The following DCC variants were observed in gnomAD, a reference collection of about 807,000 sequenced individuals.
DCC encodes netrin receptor DCC.
A neutral mutation model predicts 172.5 loss-of-function variants in DCC; 58 were observed. The observed-to-expected ratio is 0.34, with a 90% CI of 0.27 to 0.42. DCC has a LOEUF of 0.42. Among genes scored for constraint, DCC ranks in the 10% least tolerant of loss-of-function variants. The pLI is 1.00. For synonymous variants in DCC, 709 were observed against 644.5 expected (o/e 1.10, Z -1.52); for missense variants, 1,740 against 1,791.0 (o/e 0.97, Z 0.51).
intron 28 of DCC, 83 bp downstream of exon 28, chr18:53,526,842 G>GTCCAT: frequency 8.2e-7 from 1 of 1,218,848 alleles, no homozygotes; most frequent in East Asian, 3.2e-5. Context: ...AATGAGTACT[G>GTCCAT]TCCATTCACC....
At chr18:52,807,751 A>T (rs1018161208) in intron 2 of DCC, among the ~76,000 whole-genome samples, 2 of 152,236 alleles carry the variant, frequency 1.3e-5, no homozygotes, top group Non-Finnish European at 2.9e-5. Context: ...TACCAACTCT[A>T]CTGCAAACAG....
chr18:52,653,729 C>T (rs1046466702), intron 1 of DCC, among the ~76,000 whole-genome samples: 5 of 152,078 alleles, frequency 3.3e-5, no homozygotes, highest in African/African-American at 4.8e-5. Flanking sequence ...CTTTCCCCTC[C>T]GCCAGTTGTT....
chr18:53,502,549 T>TG (rs1313539148), intron 27 of DCC, among the ~76,000 whole-genome samples: 1,339 of 152,298 alleles, frequency 8.8e-3, no homozygotes, highest in African/African-American at 0.031. Context: ...TTCAACAAGT[T>TG]TTGATTCTAA....
intron 22 of DCC, among the ~76,000 whole-genome samples, chr18:53,436,539 A>G (rs1162365147): frequency 6.6e-6 from 1 of 152,098 alleles, no homozygotes; most frequent in Admixed American, 6.5e-5. Flanking sequence ...TAATGCAGCA[A>G]TTTTCCCAAG....
intron 2 of DCC, among the ~76,000 whole-genome samples, chr18:52,832,940 A>T (rs1210576731): frequency 6.6e-6 from 1 of 152,166 alleles, no homozygotes. Flanking sequence ...TTTAAAATGT[A>T]CATATTAATG....
At chr18:52,968,565 A>G (rs2040971952) in intron 5 of DCC, among the ~76,000 whole-genome samples, 1 of 152,076 alleles carries the variant, frequency 6.6e-6, no homozygotes, top group South Asian at 2.1e-4. Flanking sequence ...TCTTCATATC[A>G]CAGCACAGAC....
chr18:52,750,248 CCTTT>C (rs1295470672), intron 1 of DCC, among the ~76,000 whole-genome samples: 3 of 152,074 alleles, frequency 2.0e-5, no homozygotes, highest in Non-Finnish European at 4.4e-5. Context: ...GCTTAAAAGA[CCTTT>C]CTGAGTCATG....
intron 5 of DCC, among the ~76,000 whole-genome samples, chr18:53,036,179 T>A (rs1026088792): frequency 6.6e-6 from 1 of 152,036 alleles, no homozygotes; most frequent in Non-Finnish European, 1.5e-5. Context: ...TAAGAAGATA[T>A]TAAAGATTCT....
At chr18:53,291,451 G>A (rs916280904) in intron 12 of DCC, among the ~76,000 whole-genome samples, 6 of 152,032 alleles carry the variant, frequency 3.9e-5, no homozygotes, top group Non-Finnish European at 8.8e-5. Context: ...AATATCTGGT[G>A]AAATAAACTT....
At chr18:52,405,593 A>G (rs886279926) in intron 1 of DCC, among the ~76,000 whole-genome samples, 1 of 151,340 alleles carries the variant, frequency 6.6e-6, no homozygotes, top group Admixed American at 6.6e-5. Context: ...AGAATAAAAT[A>G]CCTAGGAATC....
intron 7 of DCC, among the ~76,000 whole-genome samples, chr18:53,098,197 TAGA>T (rs1196233614): frequency 6.6e-6 from 1 of 151,494 alleles, no homozygotes; most frequent in Non-Finnish European, 1.5e-5. Context: ...ATTTTCAGAA[TAGA>T]GTTTTTTTTT....
At chr18:52,581,425 A>G (rs2033547898) in intron 1 of DCC, among the ~76,000 whole-genome samples, 1 of 152,140 alleles carries the variant, frequency 6.6e-6, no homozygotes, top group East Asian at 1.9e-4. Context: ...TCTGTATAAG[A>G]GATTATTATA....
chr18:53,521,174 C>T (rs370478820), intron 27 of DCC, among the ~76,000 whole-genome samples: 5 of 152,192 alleles, frequency 3.3e-5, no homozygotes, highest in East Asian at 1.9e-4. Context: ...GTCTTTGAGC[C>T]GAGACAATGT....
intron 15 of DCC, among the ~76,000 whole-genome samples, chr18:53,351,664 C>G (rs1250672932): frequency 6.6e-6 from 1 of 150,448 alleles, no homozygotes; most frequent in Non-Finnish European, 1.5e-5. Flanking sequence ...GTAGGTCATT[C>G]ATTCTACCAA....
intron 2 of DCC, among the ~76,000 whole-genome samples, chr18:52,794,785 T>C (rs1178795181): frequency 1.3e-5 from 2 of 152,064 alleles, no homozygotes; most frequent in Non-Finnish European, 2.9e-5. Flanking sequence ...GTCATATATA[T>C]GGTCTTTCTT....
At chr18:52,700,894 G>C (rs1392721538) in intron 1 of DCC, among the ~76,000 whole-genome samples, 5 of 152,200 alleles carry the variant, frequency 3.3e-5, no homozygotes, top group Non-Finnish European at 7.3e-5. Context: ...CGTGATATTG[G>C]TTGACTAGCA....
chr18:53,315,285 A>G (rs968137525), intron 13 of DCC, among the ~76,000 whole-genome samples: 13 of 152,210 alleles, frequency 8.5e-5, no homozygotes, highest in African/African-American at 3.1e-4. Context: ...CCTGCAAAGG[A>G]CATGAACCCA....
chr18:52,600,161 C>T (rs76247060), intron 1 of DCC, among the ~76,000 whole-genome samples: 10,292 of 152,190 alleles, frequency 0.068, 713 homozygotes, highest in East Asian at 0.39. Context: ...GGCTCTCAGT[C>T]GACCTGGAAT....
intron 21 of DCC, among the ~76,000 whole-genome samples, chr18:53,425,982 A>C (rs1910910984): frequency 6.6e-6 from 1 of 151,978 alleles, no homozygotes; most frequent in African/African-American, 2.4e-5. Context: ...AATAAATTCT[A>C]GACCATTTTG....
Sources: allele counts gnomAD v4.1 joint callset (sites outside exome capture counted in the v4.1 genomes callset), GRCh38; gene constraint gnomAD v4.1.1; transcripts MANE v1.5; gene names NCBI Gene and HGNC (gene_info 2026-07-23, HGNC 2026-07-21).